EDA: variants seen among roughly 807,000 people sequenced by gnomAD.
EDA encodes the protein ectodysplasin-A.
Under a neutral mutation model 23.6 loss-of-function variants are expected in EDA, and 2 were observed. The observed-to-expected ratio is 0.08, with a 90% confidence interval of 0.03 to 0.27. EDA has a LOEUF of 0.27. EDA is among the 10% of genes least tolerant of loss of function. The pLI is 1.00. For missense variants in EDA, 229 were observed against 324.2 expected (o/e 0.71, Z 2.26); for synonymous variants, 131 against 132.0 (o/e 0.99, Z 0.05).
At position 69,963,890 on chromosome X, in the gene EDA, C is replaced by A. The variant is rs142140590; in HGVS notation, c.502+6758C>A. Among the ~76,000 whole-genome samples, 1,104 of 111,338 alleles carry A rather than the reference C, an allele frequency of 9.9e-3. 8 individuals are homozygous for A. Among genetic ancestry groups the A allele is most frequent in the African/African-American group, 0.034 (1,031 of 30,624 alleles). ...TACAAAAATGATACATATATTATAA[C>A]AAATATGAGCAATACAGAATCAGGA... On this transcript the variant is annotated intron_variant, in intron 2 of 7. Transcript: ENST00000374552.
At chrX:69,798,935 C>A (rs768561069) in intron 1 of EDA, among the ~76,000 whole-genome samples, 1 of 111,528 alleles carries the variant, frequency 9.0e-6, no homozygotes, top group Admixed American at 9.6e-5. Context: ...AATCACATTA[C>A]CTGACTTAAA....
intron 1 of EDA, among the ~76,000 whole-genome samples, chrX:69,736,392 C>T (rs1179257316): frequency 2.7e-5 from 3 of 110,730 alleles, no homozygotes; most frequent in Admixed American, 9.5e-5. Context: ...AGTAGTGGTG[C>T]GATCTCGGCT....
intron 1 of EDA, among the ~76,000 whole-genome samples, chrX:69,636,999 A>G (rs986336858): frequency 1.1e-4 from 12 of 111,125 alleles, no homozygotes; most frequent in African/African-American, 3.6e-4. Context: ...AAATCACACA[A>G]TAGTAGAGCT....
At chrX:69,628,613 T>TA (rs1932466520) in intron 1 of EDA, among the ~76,000 whole-genome samples, 1 of 111,350 alleles carries the variant, frequency 9.0e-6, no homozygotes, top group Admixed American at 9.6e-5. Flanking sequence ...AAACTGAACT[T>TA]ATCTTCATTC....
At chrX:70,024,985 G>A (rs1569404188) in intron 3 of EDA, among the ~76,000 whole-genome samples, 1 of 112,016 alleles carries the variant, frequency 8.9e-6, no homozygotes, top group African/African-American at 3.3e-5. Context: ...ATCCTCTGAA[G>A]TTATCCTCTT....
intron 2 of EDA, among the ~76,000 whole-genome samples, chrX:69,969,198 T>C (rs375419460): frequency 1.8e-5 from 2 of 112,485 alleles, no homozygotes; most frequent in South Asian, 3.7e-4. Flanking sequence ...GTGTCATCTG[T>C]GTAGATGAAA....
chrX:69,825,441 C>T (rs1181544342), intron 1 of EDA, among the ~76,000 whole-genome samples: 17 of 108,902 alleles, frequency 1.6e-4, no homozygotes, highest in Non-Finnish European at 2.9e-4. Flanking sequence ...GTGTATGTGT[C>T]GAGGAATTTA....
chrX:69,680,000 C>A (rs1408444661), intron 1 of EDA, among the ~76,000 whole-genome samples: 1 of 108,237 alleles, frequency 9.2e-6, no homozygotes, highest in African/African-American at 3.4e-5. Flanking sequence ...GAATGCGTCC[C>A]AGAGATTCTG....
At chrX:69,993,005 A>G (rs1255943855) in intron 2 of EDA, among the ~76,000 whole-genome samples, 1 of 110,969 alleles carries the variant, frequency 9.0e-6, no homozygotes, top group Non-Finnish European at 1.9e-5. Context: ...AAAGAATCTT[A>G]TTCTACTTTT....
chrX:69,961,307 G>A (rs1374157778), intron 2 of EDA, among the ~76,000 whole-genome samples: 1 of 110,952 alleles, frequency 9.0e-6, no homozygotes, highest in Non-Finnish European at 1.9e-5. Flanking sequence ...TAGATATTAA[G>A]CTTAATGATC....
At chrX:69,817,733 A>G (rs1345356539) in intron 1 of EDA, among the ~76,000 whole-genome samples, 1 of 111,974 alleles carries the variant, frequency 8.9e-6, no homozygotes, top group African/African-American at 3.2e-5. Context: ...AAGTTCTTAG[A>G]GACCTACAAA....
rs751401580 is a variant in EDA, at chrX:69,624,789, CCTCTCTCT to C, written c.396+8109_396+8116del. ...TAGCTTCATGAGTCTGTCAGAAGCT[CCTCTCTCT>C]CTCTCTCTCTCTCTCTCTCTCTCAG... On this transcript the variant is annotated intron_variant, in intron 1 of 7. Transcript: ENST00000374552. Among the ~76,000 whole-genome samples, 10 of 95,773 alleles carry C rather than the reference CCTCTCTCT, an allele frequency of 1.0e-4. No individual in the cohort carries two copies. The South Asian group carries it at 2.0e-3, about 19-fold the overall frequency. The allele number at this position is 95,773 out of a possible 115,157, so 83.2% of individuals were successfully genotyped here. A position where few individuals can be genotyped will look rare whatever the true frequency, so the allele number is the denominator to read the frequency against.
In EDA at chrX:69,852,318, G is replaced by A. The variant is rs192456388; in HGVS notation, c.397-104709G>A. Among the ~76,000 whole-genome samples, 521 of 111,353 alleles carry A rather than the reference G, an allele frequency of 4.7e-3. 6 individuals are homozygous for A. The highest frequency in any genetic ancestry group is 0.016 in the African/African-American group (499 of 30,594). Reference sequence around the variant, plus strand: ...CTAATATTGTATTTTTAGTAGAGACGGGGTTTCTCCATGTTGGTCAGGCTG... The same window carrying A: ...CTAATATTGTATTTTTAGTAGAGACAGGGTTTCTCCATGTTGGTCAGGCTG... On this transcript the variant is annotated intron_variant, in intron 1 of 7. Coordinates refer to ENST00000374552, the MANE Select transcript of EDA (RefSeq NM_001399.5).
chrX:69,762,509 C>T (rs1432241343), intron 1 of EDA, among the ~76,000 whole-genome samples: 1 of 112,056 alleles, frequency 8.9e-6, no homozygotes, highest in Non-Finnish European at 1.9e-5. Flanking sequence ...ATCTGTGTCT[C>T]CAGCTGGCTA....
chrX:69,735,716 A>G lies in EDA; in HGVS notation c.396+119012A>G, dbSNP rs1035826859. Among the ~76,000 whole-genome samples, 30 of 111,210 alleles carry G rather than the reference A, an allele frequency of 2.7e-4. 1 individual carries two copies. The Admixed American group carries it at 2.9e-3, about 11-fold the overall frequency. On this transcript the variant is annotated intron_variant, in intron 1 of 7. Coordinates refer to ENST00000374552, the MANE Select transcript of EDA (RefSeq NM_001399.5). ...ACCCACTCTTGAGACCATGGTTGCC[A>G]CTTTCCCAATTCCCCTAGTCAAAAA...
chrX:69,956,842 T>C (rs183222143), intron 1 of EDA, among the ~76,000 whole-genome samples, 185 bp from the exon 2 acceptor site: 1 of 112,025 alleles, frequency 8.9e-6, no homozygotes, highest in Non-Finnish European at 1.9e-5. Context: ...ATGTCATGCC[T>C]ACATGATTGG....
intron 1 of EDA, among the ~76,000 whole-genome samples, chrX:69,869,330 C>G (rs1314679638): frequency 1.8e-5 from 2 of 111,296 alleles, no homozygotes; most frequent in African/African-American, 3.3e-5. Flanking sequence ...TTTGGGTCCC[C>G]TGGAATCAAG....
chrX:69,758,571 C>T (rs1244042957), intron 1 of EDA, among the ~76,000 whole-genome samples: 8 of 112,553 alleles, frequency 7.1e-5, no homozygotes, highest in East Asian at 5.6e-4. Flanking sequence ...TGGTGGCTCA[C>T]GCCTGTAATC....
intron 1 of EDA, among the ~76,000 whole-genome samples, chrX:69,779,370 A>G (rs1434053962): frequency 8.9e-6 from 1 of 111,815 alleles, no homozygotes; most frequent in East Asian, 2.8e-4. Flanking sequence ...CTGCTGATAC[A>G]TGCTAGTACA....
Sources: allele counts gnomAD v4.1 joint callset (sites outside exome capture counted in the v4.1 genomes callset), GRCh38; gene constraint gnomAD v4.1.1; transcripts MANE v1.5; gene names NCBI Gene and HGNC (gene_info 2026-07-23, HGNC 2026-07-21).